Variants in RAD52 observed in about 807,000 individuals in gnomAD.
The protein encoded by RAD52 is RAD52 DNA repair protein.
In RAD52, 47 loss-of-function variants were observed where a neutral mutation model predicts 55.5. The ratio of observed to expected loss-of-function variants is 0.85; its 90% CI spans 0.67 to 1.08. The LOEUF is 1.08. Among genes scored for constraint, RAD52 ranks in the 50% least tolerant of loss-of-function variants. The pLI is 0.00. For synonymous variants in RAD52, 184 were observed against 198.9 expected (o/e 0.92, Z 0.63); for missense variants, 468 against 522.8 (o/e 0.90, Z 1.02).
At chr12:948,974 C>CA (rs1443667324) in intron 1 of RAD52, among the ~76,000 whole-genome samples, 1 of 152,186 alleles carries the variant, frequency 6.6e-6, no homozygotes, top group African/African-American at 2.4e-5. Context: ...TCTGGGATTA[C>CA]AGGTGTGAGA....
chr12:954,769 A>C (rs1404479945), intron 1 of RAD52, among the ~76,000 whole-genome samples: 3 of 152,202 alleles, frequency 2.0e-5, no homozygotes, highest in Non-Finnish European at 4.4e-5. Flanking sequence ...AAAATTCTAA[A>C]TTAAGCCTTG....
intron 1 of RAD52, among the ~76,000 whole-genome samples, chr12:987,425 T>G (rs1207395282): frequency 6.6e-6 from 1 of 152,124 alleles, no homozygotes; most frequent in African/African-American, 2.4e-5. Flanking sequence ...GGAAATTGTC[T>G]TGCATTATTT....
At chr12:949,353 G>C (rs1263496943) in intron 1 of RAD52, 1 of 152,250 alleles carries the variant, frequency 6.6e-6, no homozygotes, top group Non-Finnish European at 1.5e-5. Context: ...ACCGCGGTGG[G>C]GTCCCGGCGC....
At chr12:921,035 C>T (rs1043907938) in intron 7 of RAD52, among the ~76,000 whole-genome samples, 2 of 152,130 alleles carry the variant, frequency 1.3e-5, no homozygotes, top group Non-Finnish European at 2.9e-5. Flanking sequence ...ACACCACACT[C>T]TTAAAGTCAA....
At chr12:971,810 C>T (rs57178427) in intron 1 of RAD52, among the ~76,000 whole-genome samples, 5,495 of 151,874 alleles carry the variant, frequency 0.036, 265 homozygotes, top group African/African-American at 0.11. Context: ...TGCAGTGGCG[C>T]GATCTCGGCT....
upstream of RAD52, among the ~76,000 whole-genome samples, chr12:990,815 G>A (rs1959175473): frequency 2.6e-5 from 4 of 151,922 alleles, no homozygotes; most frequent in Admixed American, 2.6e-4. Flanking sequence ...GGTTTGGGAA[G>A]ACACGAAGCG....
chr12:917,914 TG>T (rs1303192271), intron 7 of RAD52, among the ~76,000 whole-genome samples: 1 of 152,086 alleles, frequency 6.6e-6, no homozygotes, highest in African/African-American at 2.4e-5. Flanking sequence ...CACTCCAGCC[TG>T]GGCGACAGAG....
chr12:916,228 C>G, intron 9 of RAD52, 116 bp downstream of exon 9: 1 of 1,500,334 alleles, frequency 6.7e-7, no homozygotes, highest in Non-Finnish European at 8.8e-7. Flanking sequence ...TGAGAGAAGT[C>G]CCAGCGAGGC....
rs1239671366 is a variant in RAD52, at chr12:913,799, C to G, written c.1195+95G>C. ...CCCTAATAGAAGTTCCCGATTCTAT[C>G]AAACTTTAAATGAAATGTCATCCTT... On this transcript the variant is annotated intron_variant, in intron 11 of 11. Transcript: ENST00000358495. 2.5e-6 allele frequency: 3 copies of G among 1,179,292 alleles called. No homozygotes were observed. The African/African-American group carries it at 4.6e-5, about 18-fold the overall frequency. 73.1% of individuals were successfully genotyped at this position (1,179,292 alleles called of 1,614,324 possible).
intron 2 of RAD52, 56 bp downstream of exon 2, chr12:932,919 C>T: frequency 2.6e-6 from 4 of 1,542,802 alleles, no homozygotes; most frequent in South Asian, 1.1e-5. Context: ...AACTGCCTTG[C>T]CCTAACTTTA....
chr12:966,245 G>A (rs1388146264), intron 1 of RAD52, among the ~76,000 whole-genome samples: 2 of 152,120 alleles, frequency 1.3e-5, no homozygotes, highest in African/African-American at 4.8e-5. Context: ...GGGATTACAT[G>A]CGTGAGCCAC....
At chr12:952,986 A>G (rs1438035677), upstream of RAD52, among the ~76,000 whole-genome samples, 1 of 258 alleles carries the variant, frequency 3.9e-3, no homozygotes, top group Non-Finnish European at 8.3e-3. Flanking sequence ...AAGGGAGGGG[A>G]GGGGGGAGAG....
At chr12:969,273 C>T (rs1339137444) in intron 1 of RAD52, among the ~76,000 whole-genome samples, 1 of 151,988 alleles carries the variant, frequency 6.6e-6, no homozygotes, top group Non-Finnish European at 1.5e-5. Flanking sequence ...CATATATTTG[C>T]ATCCCAGGAA....
chr12:942,613 G>A (rs1406364741), intron 1 of RAD52, among the ~76,000 whole-genome samples: 1 of 152,056 alleles, frequency 6.6e-6, no homozygotes, highest in Non-Finnish European at 1.5e-5. Flanking sequence ...TGGGCATGGT[G>A]GCGCATGTCT....
chr12:945,876 A>G (rs1461753450), intron 1 of RAD52, among the ~76,000 whole-genome samples: 1 of 151,786 alleles, frequency 6.6e-6, no homozygotes, highest in African/African-American at 2.4e-5. Flanking sequence ...TACAAAAATT[A>G]GCTGGGCACG....
At chr12:914,250 C>T (rs568365346) in intron 10 of RAD52, 129 bp from the exon 11 acceptor site, 4 of 1,277,554 alleles carry the variant, frequency 3.1e-6, no homozygotes, top group South Asian at 2.9e-5. Context: ...ATTTCTCTCC[C>T]CTCCCCCTAA....
rs1162125476 is a variant in RAD52, at chr12:916,333, C to T, written c.865+11G>A. The T allele has an allele frequency of 4.4e-6, 7 of 1,603,748 alleles. No individual in the cohort carries two copies. Among genetic ancestry groups the T allele is most frequent in the Non-Finnish European group, 4.2e-6 (5 of 1,179,908 alleles). On this transcript the variant is annotated intron_variant, in intron 9 of 11. Coordinates refer to ENST00000358495, the MANE Select transcript of RAD52 (RefSeq NM_134424.4). ...ACGCCTCCCAGGGCCCTGCTCCCAC[C>T]CCTCGCTCACCCTCACTCTTCTCAG...
intron 6 of RAD52, 190 bp downstream of exon 6, chr12:926,955 G>T (rs1314026307): frequency 9.1e-6 from 14 of 1,544,904 alleles, no homozygotes; most frequent in Non-Finnish European, 1.2e-5. Flanking sequence ...GCCTGAAACA[G>T]AAACATTGAA....
intron 1 of RAD52, among the ~76,000 whole-genome samples, chr12:964,840 G>A (rs1250686920): frequency 3.3e-5 from 5 of 151,982 alleles, no homozygotes; most frequent in Admixed American, 6.6e-5. Context: ...GACTCCCAAC[G>A]TGCTGGGGCT....
Sources: gnomAD v4.1 joint callset for allele counts (sites outside exome capture counted in the v4.1 genomes callset) on GRCh38, gnomAD v4.1.1 for gene constraint, MANE v1.5 for transcripts, NCBI Gene and HGNC (gene_info 2026-07-23, HGNC 2026-07-21) for gene names.